Variants in CCDC40 observed in about 807,000 individuals in gnomAD.
The protein encoded by CCDC40 is coiled-coil domain 40 molecular ruler complex subunit, also known as coiled-coil domain-containing protein 40.
A neutral mutation model predicts 124.5 loss-of-function variants in CCDC40; 104 were observed. The ratio of observed to expected loss-of-function variants is 0.84; its 90% confidence interval spans 0.71 to 0.98. CCDC40 has a LOEUF of 0.98. CCDC40 is among the 50% of genes least tolerant of loss of function. The pLI is 0.00. For synonymous variants in CCDC40, 580 were observed against 602.9 expected, an observed-to-expected ratio of 0.96 and a Z score of 0.56; for missense variants, 1,463 against 1,503.9, an observed-to-expected ratio of 0.97 and a Z score of 0.45.
chr17:80,093,187 C>CT (rs903058894), intron 17 of CCDC40, among the ~76,000 whole-genome samples: 11 of 151,350 alleles, frequency 7.3e-5, no homozygotes, highest in African/African-American at 2.2e-4. Context: ...CTCCGACTTC[C>CT]TTTTTTTTTA....
chr17:80,052,556 A>G (rs945554399), intron 7 of CCDC40, among the ~76,000 whole-genome samples: 2 of 152,106 alleles, frequency 1.3e-5, no homozygotes, highest in Non-Finnish European at 2.9e-5. Context: ...AATCCAATCA[A>G]GTTGACACTC....
chr17:80,089,570 C>T, intron 16 of CCDC40, 194 bp from the exon 17 acceptor site: 2 of 393,886 alleles, frequency 5.1e-6, no homozygotes, highest in Non-Finnish European at 9.8e-6. Flanking sequence ...CCCCTGTATG[C>T]CAGAGGTTGG....
chr17:80,049,625 T>G (rs1468897356), intron 5 of CCDC40, among the ~76,000 whole-genome samples: 2 of 151,032 alleles, frequency 1.3e-5, no homozygotes, highest in Non-Finnish European at 3.0e-5. Flanking sequence ...CACAGGGAGG[T>G]TCTCTCCCCA....
chr17:80,059,124 C>A, intron 9 of CCDC40, 144 bp downstream of exon 9: 1 of 1,028,064 alleles, frequency 9.7e-7, no homozygotes, highest in South Asian at 1.3e-5. Context: ...ATCGGGCCCT[C>A]CCCATGGTGG....
At position 80,099,790 on chromosome 17, in the gene CCDC40, T is replaced by C. The variant is rs2304853; in HGVS notation, c.*15T>C. On this transcript the variant is annotated 3_prime_UTR_variant, in exon 20 of 20. Coordinates refer to ENST00000397545, the MANE Select transcript of CCDC40 (RefSeq NM_017950.4). ...GGCCCTCCTAGGGAGCAGCCTGGAC[T>C]CCGCCTTGCAAGGCCTCCAGGAAGA... is the stretch of plus-strand genomic sequence containing the variant. The C allele has an allele frequency of 0.29, 474,121 of 1,610,396 alleles. 73,542 individuals carry two copies. Among genetic ancestry groups the C allele is most frequent in the African/African-American group, 0.52 (38,926 of 74,800 alleles).
chr17:80,087,619 A>C lies in CCDC40; in HGVS notation c.2462A>C (p.Gln821Pro), dbSNP rs1199832108. The change falls in exon 15 of 20, where the codon CAG becomes CCG. Residue 821 changes from glutamine to proline, a missense_variant. Physicochemically the swap from Gln to Pro is moderately conservative, Grantham distance 76. Coordinates refer to ENST00000397545, the MANE Select transcript of CCDC40 (RefSeq NM_017950.4). The surrounding 1 kb of genome is among the most constrained non-coding windows in gnomAD (Gnocchi z 4.5). ...TTTTCTGCCATAGGCAAGATTGAGCAGGAGAAGAAGGAGCAGAAGGAGATC... is the reference window on the plus strand; with the variant it reads ...TTTTCTGCCATAGGCAAGATTGAGCCGGAGAAGAAGGAGCAGAAGGAGATC... ...KKLRVESKIE[Q>P]EKKEQKEIEH... 5.0e-6 allele frequency: 8 copies of C among 1,614,142 alleles called. No individual in the cohort carries two copies. The highest frequency in any genetic ancestry group is 5.9e-6 in the Non-Finnish European group (7 of 1,179,970).
intron 18 of CCDC40, among the ~76,000 whole-genome samples, chr17:80,096,702 G>A (rs1001636961): frequency 2.6e-5 from 4 of 152,054 alleles, no homozygotes; most frequent in African/African-American, 9.7e-5. Flanking sequence ...AAGATCTTCC[G>A]TGTCCCCAGC....
In CCDC40 at chr17:80,047,368, C is replaced by G; in HGVS notation, c.642C>G (p.Ser214=). The G allele has an allele frequency of 6.2e-7, 1 of 1,613,624 alleles. No homozygotes were observed. Among genetic ancestry groups the G allele is most frequent in the Non-Finnish European group, 8.5e-7 (1 of 1,179,876 alleles). ...FRLSHGSDIE[S]SDLEEFVSQE... The stretch of plus-strand genomic sequence containing the variant: ...TGAGCCACGGGAGCGACATCGAGTC[C>G]TCAGACCTGGAGGAGTTCGTCTCGC... The change falls in exon 4 of 20, where the codon TCC becomes TCG. Residue 214 remains serine, a synonymous_variant. Transcript: ENST00000397545.
intron 10 of CCDC40, among the ~76,000 whole-genome samples, chr17:80,077,296 G>A (rs553856942): frequency 6.7e-4 from 102 of 152,054 alleles, no homozygotes; most frequent in Non-Finnish European, 1.2e-3. Context: ...AGGCTGAGGC[G>A]GATCACTTGA....
intron 9 of CCDC40, among the ~76,000 whole-genome samples, chr17:80,061,761 G>A (rs761495597): frequency 9.9e-5 from 15 of 152,130 alleles, no homozygotes; most frequent in Admixed American, 2.0e-4. Flanking sequence ...AAGGAGAGAT[G>A]AGCCCTCCCT....
chr17:80,086,372 ATG>A lies in CCDC40; in HGVS notation c.2449+159_2449+160del. 4.5e-6 allele frequency: 3 copies of A among 664,604 alleles called. No homozygotes were observed. Among genetic ancestry groups the A allele is most frequent in the Non-Finnish European group, 8.0e-6 (3 of 374,630 alleles). 41.2% of individuals were successfully genotyped at this position (664,604 alleles called of 1,614,324 possible). On this transcript the variant is annotated intron_variant, in intron 14 of 19. Transcript: ENST00000397545. The surrounding 1 kb of genome is among the most constrained non-coding windows in gnomAD (Gnocchi z 5.5). ...CGCGCATGCTCCCTGTATTTTGTAA[ATG>A]TGAACCACTGCCTGCCCAGCTGCCC...
rs1488782682 is a variant in CCDC40 at position 80,086,125 on chromosome 17, G to A, written c.2358G>A (p.Lys786=). 1.2e-6 allele frequency: 2 copies of A among 1,614,130 alleles called. No individual in the cohort carries two copies. The highest frequency in any genetic ancestry group is 1.3e-5 in the African/African-American group (1 of 75,040). Residue 786 remains lysine (K), a synonymous_variant, in exon 14 of 20, where the codon AAG becomes AAA. Coordinates refer to ENST00000397545, the MANE Select transcript of CCDC40 (RefSeq NM_017950.4). The surrounding 1 kb of genome is among the most constrained non-coding windows in gnomAD (Gnocchi z 5.5). ...TGCGCCTGCAGCAGGAGATGGTCAA[G>A]GTGACACAGGAGCAGGAGGAGCAGC... ...TWLRLQQEMV[K]VTQEQEEQLA... is the part of the protein sequence containing the mutation.
chr17:80,048,671 G>A lies in CCDC40; in HGVS notation c.765G>A (p.Glu255=), dbSNP rs1412756374. 2 of 1,614,020 alleles carry A rather than the reference G, an allele frequency of 1.2e-6. No homozygotes were observed. The highest frequency in any genetic ancestry group is 2.7e-5 in the African/African-American group (2 of 74,928). Reference sequence around the variant, plus strand: ...AGATCCAGCAGCCCAGCACCGAGGAGGGGGCCATGGCAGAGAGAGTGGAGT... The same window carrying A: ...AGATCCAGCAGCCCAGCACCGAGGAAGGGGCCATGGCAGAGAGAGTGGAGT... ...QDQIQQPSTE[E]GAMAERVESE... is the part of the protein sequence containing the mutation. The change falls in exon 5 of 20, where the codon GAG becomes GAA. Residue 255 remains glutamate (E), a synonymous_variant. Coordinates refer to ENST00000397545, the MANE Select transcript of CCDC40 (RefSeq NM_017950.4).
intron 10 of CCDC40, among the ~76,000 whole-genome samples, chr17:80,076,669 C>T (rs1057498423): frequency 6.8e-6 from 1 of 147,856 alleles, no homozygotes; most frequent in African/African-American, 2.7e-5. Flanking sequence ...AATGCAAGAC[C>T]CTCTACCAGC....
intron 2 of CCDC40, among the ~76,000 whole-genome samples, chr17:80,039,547 G>A: frequency 6.6e-6 from 1 of 151,726 alleles, no homozygotes; most frequent in South Asian, 2.1e-4. Flanking sequence ...AAGTAGCTGG[G>A]ATTACAGGTG....
rs2038023743 is a variant in CCDC40, at chr17:80,065,585, G to A, written c.1541G>A (p.Arg514Lys). 1 of 1,612,616 alleles carries A rather than the reference G, an allele frequency of 6.2e-7. No homozygotes were observed. Among genetic ancestry groups the A allele is most frequent in the Non-Finnish European group, 8.5e-7 (1 of 1,179,904 alleles). ...VGMKHRDEAH[R>K]AVLEALRGCQ... ...ATGAAGCACCGCGACGAGGCGCACAGGGCGGTGCTGGAGGCGCTCAGGTAC... is the reference window on the plus strand; with the variant it reads ...ATGAAGCACCGCGACGAGGCGCACAAGGCGGTGCTGGAGGCGCTCAGGTAC... Residue 514 changes from arginine to lysine, a missense_variant, in exon 10 of 20, where the codon AGG becomes AAG. Physicochemically the swap from Arg to Lys is conservative, Grantham distance 26. Coordinates refer to ENST00000397545, the MANE Select transcript of CCDC40 (RefSeq NM_017950.4).
chr17:80,052,552 A>C (rs1050312546), intron 7 of CCDC40, among the ~76,000 whole-genome samples: 4 of 152,108 alleles, frequency 2.6e-5, no homozygotes, highest in Admixed American at 2.0e-4. Context: ...CTTCAATCCA[A>C]TCAAGTTGAC....
intron 10 of CCDC40, among the ~76,000 whole-genome samples, chr17:80,073,624 A>G (rs959836004): frequency 6.6e-6 from 1 of 152,146 alleles, no homozygotes; most frequent in African/African-American, 2.4e-5. Context: ...CCAAGACTCA[A>G]CAGTATTGAA....
In CCDC40 at chr17:80,048,673, G is replaced by A; in HGVS notation, c.767G>A (p.Gly256Glu). The change falls in exon 5 of 20, where the codon GGG becomes GAG. Residue 256 changes from glycine (G) to glutamate (E), a missense_variant. By Grantham distance (98) the Gly-to-Glu change is moderately conservative. Coordinates refer to ENST00000397545, the MANE Select transcript of CCDC40 (RefSeq NM_017950.4). ...ATCCAGCAGCCCAGCACCGAGGAGGGGGCCATGGCAGAGAGAGTGGAGTCC... is the reference window on the plus strand; with the variant it reads ...ATCCAGCAGCCCAGCACCGAGGAGGAGGCCATGGCAGAGAGAGTGGAGTCC... ...DQIQQPSTEE[G>E]AMAERVESEG... is the part of the protein sequence containing the mutation. 1 of 1,614,132 alleles carries A rather than the reference G, an allele frequency of 6.2e-7. No homozygotes were observed. The highest frequency in any genetic ancestry group is 8.5e-7 in the Non-Finnish European group (1 of 1,180,014).
Sources: allele counts gnomAD v4.1 joint callset (sites outside exome capture counted in the v4.1 genomes callset), GRCh38; gene constraint gnomAD v4.1.1; non-coding constraint Gnocchi (gnomAD v3.1); transcripts MANE v1.5; gene names NCBI Gene and HGNC (gene_info 2026-07-23, HGNC 2026-07-21).